HSH2D: variants seen among roughly 807,000 people sequenced by gnomAD.
HSH2D encodes hematopoietic SH2 domain containing.
HSH2D carries 16 observed loss-of-function variants against 21.5 expected under a neutral mutation model. The ratio of observed to expected loss-of-function variants is 0.74; its 90% CI spans 0.50 to 1.13. The LOEUF (loss-of-function observed/expected upper bound fraction) is 1.13. Ranked by LOEUF, HSH2D falls within the 50% of genes most tolerant of loss-of-function variation. HSH2D has a pLI of 0.00. For synonymous variants in HSH2D, 172 were observed against 184.7 expected, an observed-to-expected ratio of 0.93 and a Z score of 0.56; for missense variants, 418 against 441.4, an observed-to-expected ratio of 0.95 and a Z score of 0.47.
chr19:16,139,301 G>A (rs77604026), upstream of HSH2D, among the ~76,000 whole-genome samples: 1,919 of 152,306 alleles, frequency 0.013, 43 homozygotes, highest in African/African-American at 0.042. Context: ...CAAGTCCAGG[G>A]TTGGGCACAG....
intron 1 of HSH2D, among the ~76,000 whole-genome samples, chr19:16,147,378 G>A (rs368074048): frequency 2.6e-5 from 4 of 151,492 alleles, no homozygotes; most frequent in African/African-American, 9.7e-5. Context: ...CAGCTACTTG[G>A]GGGACTGAGG....
At chr19:16,154,312 G>A (rs2145057632) in intron 4 of HSH2D, 87 bp from the exon 5 acceptor site, 1 of 806,082 alleles carries the variant, frequency 1.2e-6, no homozygotes. Context: ...CTATTCAAGG[G>A]ATGGTCCCTG....
intron 2 of HSH2D, chr19:16,151,518 G>C (rs1401729618): frequency 2.2e-6 from 1 of 455,750 alleles, no homozygotes; most frequent in Non-Finnish European, 4.4e-6. Flanking sequence ...GATTGCCTGA[G>C]GTCACACAGC....
chr19:16,148,369 A>G (rs1010006048), intron 1 of HSH2D, among the ~76,000 whole-genome samples: 3 of 151,846 alleles, frequency 2.0e-5, no homozygotes, highest in Non-Finnish European at 2.9e-5. Flanking sequence ...GGCTGGTCTC[A>G]AACTCCTGAC....
chr19:16,155,202 C>T (rs2091221859), intron 5 of HSH2D, among the ~76,000 whole-genome samples: 1 of 151,964 alleles, frequency 6.6e-6, no homozygotes, highest in South Asian at 2.1e-4. Context: ...AGCCCCCTGC[C>T]CAGCAGGGGA....
chr19:16,156,715 C>T (rs571222209), intron 5 of HSH2D, among the ~76,000 whole-genome samples: 2 of 152,190 alleles, frequency 1.3e-5, no homozygotes, highest in East Asian at 1.9e-4. Context: ...AGGCCAGGTG[C>T]GGTGGCTCTC....
In HSH2D at chr19:16,157,742, A is replaced by G. The variant is rs765033510; in HGVS notation, c.1007A>G (p.Gln336Arg). The change falls in exon 6 of 6, where the codon CAG (glutamine) becomes CGG (arginine). Residue 336 changes from glutamine (Q) to arginine (R), a missense_variant. Transcript: ENST00000613986. This position sits in a 1 kb window ranked among gnomAD's most constrained non-coding sequence, Gnocchi z 4.4. ...HQGLAEPEND[Q>R]LPEEYQQPPP... The stretch of plus-strand genomic sequence containing the variant: ...GGCTTGGCAGAGCCTGAGAACGACC[A>G]GCTCCCGGAGGAGTACCAACAACCG... The G allele has an allele frequency of 5.6e-6, 9 of 1,612,300 alleles. No individual in the cohort carries two copies. Among genetic ancestry groups the G allele is most frequent in the Non-Finnish European group, 6.8e-6 (8 of 1,179,664 alleles).
At chr19:16,151,467 A>T (rs2091149293) in intron 2 of HSH2D, 3 of 451,114 alleles carry the variant, frequency 6.7e-6, no homozygotes, top group South Asian at 4.7e-5. Flanking sequence ...AGTGGAGTTT[A>T]CTCTCCCCTT....
At chr19:16,143,471 C>T (rs1344607717), upstream of HSH2D, among the ~76,000 whole-genome samples, 6 of 152,204 alleles carry the variant, frequency 3.9e-5, no homozygotes, top group Non-Finnish European at 8.8e-5. Flanking sequence ...GCACCTGTCT[C>T]CGTGTCACCC....
intron 3 of HSH2D, 97 bp from the exon 4 acceptor site, chr19:16,152,946 T>C: frequency 2.1e-6 from 3 of 1,419,088 alleles, no homozygotes; most frequent in Non-Finnish European, 2.9e-6. Flanking sequence ...CCTGGGGTAG[T>C]CTGGCTGTAG....
In HSH2D at chr19:16,152,623, G is replaced by A; in HGVS notation, c.197G>A (p.Gly66Asp). ...FLIRVSHSHVGYTLSYKAQSS... is the reference protein window; with the variant it reads ...FLIRVSHSHVDYTLSYKAQSS... ...ATCAGGGTCAGTCACAGCCATGTGGGCTACACACTCTCCTACAAGTAAGGC... is the reference window on the plus strand; with the variant it reads ...ATCAGGGTCAGTCACAGCCATGTGGACTACACACTCTCCTACAAGTAAGGC... Residue 66 changes from glycine to aspartate, a missense_variant, in exon 3 of 6, where the codon GGC becomes GAC. Coordinates refer to ENST00000613986, the MANE Select transcript of HSH2D (RefSeq NM_001382417.1). The A allele has an allele frequency of 6.5e-7, 1 of 1,533,468 alleles. No individual in the cohort carries two copies. The allele number at this position is 1,533,468 out of a possible 1,614,324, so 95.0% of individuals were successfully genotyped here.
rs1242122280 is a variant in HSH2D at position 16,157,897 on chromosome 19, C to T, written c.*103C>T. 1 of 814,514 alleles carries T rather than the reference C, an allele frequency of 1.2e-6. No individual in the cohort carries two copies. Among genetic ancestry groups the T allele is most frequent in the Non-Finnish European group, 1.9e-6 (1 of 531,196 alleles). 50.5% of individuals were successfully genotyped at this position (814,514 alleles called of 1,614,324 possible). ...GCCCCACACCATGGCATCCGGGGGTCTTCGGGAACCCGGGAAATGGAATAA... is the reference window on the plus strand; with the variant it reads ...GCCCCACACCATGGCATCCGGGGGTTTTCGGGAACCCGGGAAATGGAATAA... On this transcript the variant is annotated 3_prime_UTR_variant, in exon 6 of 6. Transcript: ENST00000613986. The surrounding 1 kb of genome is among the most constrained non-coding windows in gnomAD (Gnocchi z 4.4).
chr19:16,134,336 T>TC (rs1341741651), intron 1 of HSH2D: 1 of 152,182 alleles, frequency 6.6e-6, no homozygotes, highest in Non-Finnish European at 1.5e-5. Flanking sequence ...TTATCAGGAT[T>TC]CCAGACTCCT....
chr19:16,135,236 C>T (rs1252018959), intron 1 of HSH2D, among the ~76,000 whole-genome samples: 1 of 152,088 alleles, frequency 6.6e-6, no homozygotes, highest in Non-Finnish European at 1.5e-5. Flanking sequence ...TGCGCCACTG[C>T]ACTCTAGCCT....
upstream of HSH2D, among the ~76,000 whole-genome samples, chr19:16,141,259 A>G (rs980508587): frequency 6.6e-6 from 1 of 152,206 alleles, no homozygotes; most frequent in Admixed American, 6.5e-5. Flanking sequence ...AGGGCAGACG[A>G]GGTGCTGCTG....
rs1037963639 is a variant in HSH2D, at chr19:16,143,756, C to A, written c.-46C>A. ...GGCACAGCTACAGCGAGGGCCTCGGCCATCCAAGGGTCTCCCAGGTATGTG... is the reference window on the plus strand; with the variant it reads ...GGCACAGCTACAGCGAGGGCCTCGGACATCCAAGGGTCTCCCAGGTATGTG... On this transcript the variant is annotated 5_prime_UTR_variant, in exon 1 of 6. Transcript: ENST00000613986. 6.6e-6 allele frequency: 3 copies of A among 453,460 alleles called. No individual in the cohort carries two copies. Among genetic ancestry groups the A allele is most frequent in the Non-Finnish European group, 1.3e-5 (3 of 225,184 alleles). 28.1% of individuals were successfully genotyped at this position (453,460 alleles called of 1,614,324 possible). A position where few individuals can be genotyped will look rare whatever the true frequency, so the allele number is the denominator to read the frequency against.
chr19:16,141,647 G>A (rs2091000776), upstream of HSH2D, among the ~76,000 whole-genome samples: 2 of 152,314 alleles, frequency 1.3e-5, no homozygotes, highest in East Asian at 1.9e-4. Context: ...ATTTTAAGCT[G>A]GCACGGCGGC....
chr19:16,139,592 GCA>G (rs2090985889), upstream of HSH2D: 1 of 151,902 alleles, frequency 6.6e-6, no homozygotes, highest in African/African-American at 2.4e-5. Context: ...AAAAAGAATC[GCA>G]TCAAACCCAG....
chr19:16,139,714 A>G (rs1243343541), upstream of HSH2D: 3 of 152,320 alleles, frequency 2.0e-5, no homozygotes, highest in African/African-American at 7.2e-5. Flanking sequence ...CCCCACGTGA[A>G]TCTGTGAATG....
Sources: gnomAD v4.1 joint callset for allele counts (sites outside exome capture counted in the v4.1 genomes callset) on GRCh38, gnomAD v4.1.1 for gene constraint, Gnocchi (gnomAD v3.1) non-coding constraint, MANE v1.5 for transcripts, NCBI Gene and HGNC (gene_info 2026-07-23, HGNC 2026-07-21) for gene names.